The following FANCM variants were observed in gnomAD, a reference collection of about 807,000 sequenced individuals.
FANCM encodes Fanconi anemia group M protein.
FANCM carries 140 observed loss-of-function variants against 199.5 expected under a neutral mutation model. That is an observed-to-expected ratio of 0.70 (90% confidence interval 0.61 to 0.81). The LOEUF is 0.81. Ranked by LOEUF, FANCM falls within the 30% of genes least tolerant of loss-of-function variation. The pLI is 0.00. For missense variants in FANCM, 2,410 were observed against 2,421.4 expected, an observed-to-expected ratio of 1.00 and a Z score of 0.10; for synonymous variants, 840 against 836.8, an observed-to-expected ratio of 1.00 and a Z score of -0.07.
At position 45,151,646 on chromosome 14, in the gene FANCM, C is replaced by T. The variant is rs138723139; in HGVS notation, c.1050+118C>T. The T allele has an allele frequency of 1.7e-4, 155 of 921,082 alleles. 1 individual carries two copies. The East Asian group carries it at 2.6e-3, about 16-fold the overall frequency. 57.1% of individuals were successfully genotyped at this position (921,082 alleles called of 1,614,324 possible). A position where few individuals can be genotyped will look rare whatever the true frequency, so the allele number is the denominator to read the frequency against. ...CTCATCAATAATTGAAAAATGAGGC[C>T]GAACACAGTGGCTGATGCCTGTAAT... On this transcript the variant is annotated intron_variant, in intron 5 of 22. Coordinates refer to ENST00000267430, the MANE Select transcript of FANCM (RefSeq NM_020937.4).
intron 9 of FANCM, 35 bp downstream of exon 9, chr14:45,159,315 A>C (rs570011470): frequency 1.3e-6 from 2 of 1,488,586 alleles, no homozygotes; most frequent in Non-Finnish European, 1.9e-6. Context: ...AATAAAAATA[A>C]GATTGATTAG....
chr14:45,137,172 C>G lies in FANCM; in HGVS notation c.612C>G (p.Pro204=), dbSNP rs756918417. Residue 204 remains proline, a synonymous_variant, in exon 2 of 23, where the codon CCC becomes CCG. Transcript: ENST00000267430. Reference sequence around the variant, plus strand: ...ATGACCTTTCTAGAGGAGCTTGTCCCGCTGCTGAAATAAAGTGTTTAGTTA... The same window carrying G: ...ATGACCTTTCTAGAGGAGCTTGTCCGGCTGCTGAAATAAAGTGTTTAGTTA... ...MVNDLSRGAC[P]AAEIKCLVID... 1.2e-6 allele frequency: 2 copies of G among 1,613,688 alleles called. No individual in the cohort carries two copies. Among genetic ancestry groups the G allele is most frequent in the Non-Finnish European group, 1.7e-6 (2 of 1,179,866 alleles).
chr14:45,196,028 G>A (rs2139318217), intron 20 of FANCM, 144 bp from the exon 21 acceptor site: 2 of 826,786 alleles, frequency 2.4e-6, no homozygotes, highest in South Asian at 1.4e-5. Flanking sequence ...TGACTTATGT[G>A]TTCCTTCATT....
At chr14:45,146,463 G>A (rs1886392869) in intron 3 of FANCM, among the ~76,000 whole-genome samples, 1 of 152,032 alleles carries the variant, frequency 6.6e-6, no homozygotes, top group Non-Finnish European at 1.5e-5. Flanking sequence ...CTTGCAAGCT[G>A]CAAGACTTTT....
intron 14 of FANCM, among the ~76,000 whole-genome samples, chr14:45,180,681 CT>C (rs1441325298): frequency 6.6e-6 from 1 of 152,028 alleles, no homozygotes; most frequent in Admixed American, 6.6e-5. Context: ...AGTGATCTGC[CT>C]CCTCGGCCTC....
rs1299070099 is a variant in FANCM at position 45,144,618 on chromosome 14, A to G, written c.759+3909A>G. Reference sequence around the variant, plus strand: ...AGAGGAGCCTCTCCCCATGGTCACCACTACCATAGGCCCATGAGGTGTACT... The same window carrying G: ...AGAGGAGCCTCTCCCCATGGTCACCGCTACCATAGGCCCATGAGGTGTACT... On this transcript the variant is annotated intron_variant, in intron 3 of 22. Transcript: ENST00000267430. Among the ~76,000 whole-genome samples, 7 of 152,324 alleles carry G rather than the reference A, an allele frequency of 4.6e-5. No individual in the cohort carries two copies. In the East Asian group the frequency reaches 1.4e-3, roughly 29 times the overall value.
At chr14:45,136,758 A>G (rs1226868067) in intron 1 of FANCM, among the ~76,000 whole-genome samples, 1 of 152,206 alleles carries the variant, frequency 6.6e-6, no homozygotes, top group African/African-American at 2.4e-5. Flanking sequence ...CGTATACCCC[A>G]TGGGTAACTG....
chr14:45,186,335 G>A (rs1889399741), intron 18 of FANCM, among the ~76,000 whole-genome samples: 1 of 152,220 alleles, frequency 6.6e-6, no homozygotes, highest in Non-Finnish European at 1.5e-5. Flanking sequence ...AATTTGCCAT[G>A]TAAGGGCAGT....
intron 19 of FANCM, among the ~76,000 whole-genome samples, chr14:45,188,121 C>T (rs563952891): frequency 9.2e-5 from 14 of 152,212 alleles, no homozygotes; most frequent in South Asian, 4.1e-4. Flanking sequence ...GGTAGATCAC[C>T]GGAGGTCAGG....
intron 11 of FANCM, among the ~76,000 whole-genome samples, chr14:45,169,514 G>A (rs1281023571): frequency 6.6e-6 from 1 of 151,440 alleles, no homozygotes; most frequent in Non-Finnish European, 1.5e-5. Flanking sequence ...AGATCCTCCT[G>A]TCAGCCTCCT....
chr14:45,184,884 C>T, intron 17 of FANCM, among the ~76,000 whole-genome samples: 1 of 151,102 alleles, frequency 6.6e-6, no homozygotes, highest in East Asian at 2.0e-4. Context: ...AGTGATTCTC[C>T]TGCCTCAGCT....
At chr14:45,144,630 C>G (rs1018480234) in intron 3 of FANCM, among the ~76,000 whole-genome samples, 1 of 152,190 alleles carries the variant, frequency 6.6e-6, no homozygotes, top group Admixed American at 6.5e-5. Flanking sequence ...TACCATAGGC[C>G]CATGAGGTGT....
At chr14:45,137,350 C>T in intron 2 of FANCM, 109 bp downstream of exon 2, 1 of 860,662 alleles carries the variant, frequency 1.2e-6, no homozygotes. Flanking sequence ...TATAAAAAGC[C>T]TTTACGTCTA....
intron 20 of FANCM, 63 bp downstream of exon 20, chr14:45,189,425 T>TTG (rs2139299066): frequency 7.5e-7 from 1 of 1,325,808 alleles, no homozygotes. Flanking sequence ...TTTTTCTTTC[T>TTG]TGTGTGTGTG....
intron 2 of FANCM, chr14:45,137,926 G>C (rs1885636889): frequency 6.6e-6 from 1 of 152,540 alleles, no homozygotes; most frequent in South Asian, 2.1e-4. Context: ...ATTTGAAAGA[G>C]ATTAGAGAGA....
chr14:45,161,099 T>A (rs1424284690), intron 9 of FANCM, among the ~76,000 whole-genome samples: 1 of 152,212 alleles, frequency 6.6e-6, no homozygotes, highest in Admixed American at 6.5e-5. Context: ...CAATCCGATC[T>A]CTGATCAATT....
chr14:45,164,465 C>A lies in FANCM; in HGVS notation c.1688C>A (p.Ser563Tyr), dbSNP rs1313731290. 6.2e-7 allele frequency: 1 copy of A among 1,613,332 alleles called. No individual in the cohort carries two copies. Among genetic ancestry groups the A allele is most frequent in the East Asian group, 2.2e-5 (1 of 44,884 alleles). Reference sequence around the variant, plus strand: ...GTTGATCTTATAATATGTTTTGATTCCCAGAAGAGCCCAATTCGTCTTGTA... The same window carrying A: ...GTTGATCTTATAATATGTTTTGATTACCAGAAGAGCCCAATTCGTCTTGTA... ...GEVDLIICFD[S>Y]QKSPIRLVQR... The change falls in exon 10 of 23, where the codon TCC becomes TAC. Residue 563 changes from serine (S) to tyrosine (Y), a missense_variant. Physicochemically the swap from Ser to Tyr is moderately radical, Grantham distance 144. Coordinates refer to ENST00000267430, the MANE Select transcript of FANCM (RefSeq NM_020937.4).
chr14:45,181,250 T>C (rs976107985), intron 14 of FANCM, among the ~76,000 whole-genome samples, 180 bp from the exon 15 acceptor site: 1 of 152,102 alleles, frequency 6.6e-6, no homozygotes, highest in African/African-American at 2.4e-5. Flanking sequence ...GCATTTTAAT[T>C]TTTTTGTCTC....
At chr14:45,199,455 A>C (rs28562636) in intron 22 of FANCM, among the ~76,000 whole-genome samples, 8,115 of 152,262 alleles carry the variant, frequency 0.053, 741 homozygotes, top group African/African-American at 0.18. Context: ...AGAGCTTTCT[A>C]CTGAGTCACA....
Sources: gnomAD v4.1 joint callset for allele counts (sites outside exome capture counted in the v4.1 genomes callset) on GRCh38, gnomAD v4.1.1 for gene constraint, MANE v1.5 for transcripts, NCBI Gene and HGNC (gene_info 2026-07-23, HGNC 2026-07-21) for gene names.